Variants in ABCA9 observed in about 807,000 individuals in gnomAD.
The protein encoded by ABCA9 is ATP binding cassette subfamily A member 9, also known as ATP-binding cassette sub-family A member 9.
Under a neutral mutation model 205.3 loss-of-function variants are expected in ABCA9, and 183 were observed. That is an observed-to-expected ratio of 0.89 (90% CI 0.79 to 1.01). ABCA9 has a LOEUF of 1.01. ABCA9 is among the 50% of genes least tolerant of loss of function. The pLI is 0.00. For missense variants in ABCA9, 1,805 were observed against 1,912.4 expected (o/e 0.94, Z 1.05); for synonymous variants, 651 against 683.3 (o/e 0.95, Z 0.74).
intron 1 of ABCA9, among the ~76,000 whole-genome samples, chr17:69,052,356 C>G (rs553878724): frequency 2.0e-5 from 3 of 151,972 alleles, no homozygotes; most frequent in Admixed American, 6.6e-5. Context: ...GCCTGGGTGA[C>G]AGAGAGAGAC....
chr17:69,017,549 C>T, intron 21 of ABCA9, 107 bp downstream of exon 21: 2 of 1,214,818 alleles, frequency 1.6e-6, no homozygotes, highest in Non-Finnish European at 2.3e-6. Flanking sequence ...GAGAACTATC[C>T]CATTTGTTTG....
chr17:68,988,985 G>A (rs1441083747), intron 31 of ABCA9, 42 bp downstream of exon 31: 6 of 1,209,274 alleles, frequency 5.0e-6, no homozygotes, highest in South Asian at 1.3e-5. Flanking sequence ...AATATTCTTT[G>A]TAGGTAGCAC....
chr17:69,030,536 G>A (rs536816682), intron 10 of ABCA9, among the ~76,000 whole-genome samples: 7 of 152,178 alleles, frequency 4.6e-5, no homozygotes, highest in Non-Finnish European at 1.0e-4. Context: ...ATTTATCGAA[G>A]AGGTACAATC....
In ABCA9 at chr17:69,032,114, G is replaced by T; in HGVS notation, c.1439C>A (p.Ala480Asp). 6.2e-7 allele frequency: 1 copy of T among 1,609,036 alleles called. No individual in the cohort carries two copies. ...CAAGTAATTTATTGGTTACCTGATG[G>T]CTTCTTTCCCACAGAATTCTGGAGA... ...PVSPEFCGKE[A>D]IRIKNLKKEY... Residue 480 changes from alanine to aspartate, a missense_variant, in exon 10 of 39, where the codon GCC (alanine) becomes GAC (aspartate). Transcript: ENST00000340001.
intron 6 of ABCA9, among the ~76,000 whole-genome samples, chr17:69,039,097 A>T (rs2071445687): frequency 6.6e-6 from 1 of 152,226 alleles, no homozygotes; most frequent in Non-Finnish European, 1.5e-5. Flanking sequence ...TTCCATGCTC[A>T]TGGATAGGAA....
At chr17:69,033,263 CGCCACT>C (rs1157376471) in intron 9 of ABCA9, 8 of 121,280 alleles carry the variant, frequency 6.6e-5, no homozygotes, top group African/African-American at 2.4e-4. Context: ...GCAGAGATCG[CGCCACT>C]GCACTCCAGC....
intron 30 of ABCA9, 138 bp from the exon 31 acceptor site, chr17:68,989,256 TCACACACACACA>T (rs71293542): frequency 5.3e-4 from 128 of 243,092 alleles, no homozygotes; most frequent in South Asian, 1.5e-3. Context: ...TCTCTCTCTC[TCACACACACACA>T]CACACACACA....
intron 6 of ABCA9, among the ~76,000 whole-genome samples, chr17:69,041,470 G>A (rs1184317028): frequency 6.6e-5 from 10 of 152,030 alleles, no homozygotes; most frequent in Admixed American, 5.2e-4. Flanking sequence ...TTGGGAGGCC[G>A]AGGCAGGTGG....
intron 36 of ABCA9, among the ~76,000 whole-genome samples, chr17:68,983,392 G>T (rs1016971441): frequency 6.6e-6 from 1 of 152,122 alleles, no homozygotes; most frequent in Non-Finnish European, 1.5e-5. Flanking sequence ...TTATGCAGGT[G>T]ATTTCCTTTA....
chr17:69,061,915 C>G (rs1454432511), upstream of ABCA9, among the ~76,000 whole-genome samples: 3 of 152,168 alleles, frequency 2.0e-5, no homozygotes, highest in Admixed American at 2.0e-4. Flanking sequence ...CCTGAACATA[C>G]AGCTGAAAGG....
In ABCA9 at chr17:69,029,176, A is replaced by C. The variant is rs1371605136; in HGVS notation, c.1497T>G (p.Ala499=). 6.5e-7 allele frequency: 1 copy of C among 1,546,310 alleles called. No individual in the cohort carries two copies. Among genetic ancestry groups the C allele is most frequent in the Admixed American group, 1.9e-5 (1 of 53,502 alleles). Residue 499 remains alanine (A), a synonymous_variant, in exon 11 of 39, where the codon GCT becomes GCG. Coordinates refer to ENST00000340001, the MANE Select transcript of ABCA9 (RefSeq NM_080283.4). ...EYAGKCERVE[A]LKGVVFDIYE... ...AAAATATTATTTTATTACCTTTCAA[A>C]GCTTCTACTCTCTCACACTTCCCTG...
chr17:69,057,432 A>G (rs2072101289), intron 1 of ABCA9, among the ~76,000 whole-genome samples: 1 of 152,134 alleles, frequency 6.6e-6, no homozygotes, highest in South Asian at 2.1e-4. Flanking sequence ...AGTGAAAGAG[A>G]GAGAGAGAGA....
chr17:69,031,507 G>A (rs1042200390), intron 10 of ABCA9, among the ~76,000 whole-genome samples: 6 of 152,198 alleles, frequency 3.9e-5, no homozygotes, highest in Non-Finnish European at 7.4e-5. Flanking sequence ...CAAAATTTGA[G>A]CAAAGATCTG....
chr17:69,049,202 C>G, intron 3 of ABCA9, 81 bp downstream of exon 3: 1 of 1,358,206 alleles, frequency 7.4e-7, no homozygotes. Context: ...GAACATTCAA[C>G]ATAATTTATG....
intron 23 of ABCA9, among the ~76,000 whole-genome samples, chr17:69,010,248 T>C (rs965931312): frequency 1.3e-4 from 19 of 151,470 alleles, no homozygotes; most frequent in African/African-American, 4.1e-4. Context: ...GCTCATATAA[T>C]AGTTATGGGA....
chr17:69,017,324 G>A (rs544220827), intron 21 of ABCA9, among the ~76,000 whole-genome samples: 1 of 152,128 alleles, frequency 6.6e-6, no homozygotes, highest in East Asian at 1.9e-4. Flanking sequence ...AAAAGCAAAG[G>A]CCAAGTCTAC....
At chr17:69,008,016 T>G (rs376156410) in intron 24 of ABCA9, 46 bp downstream of exon 24, 2 of 1,537,058 alleles carry the variant, frequency 1.3e-6, no homozygotes, top group Non-Finnish European at 1.8e-6. Flanking sequence ...ACTGCATTCA[T>G]GAAAAAATAG....
intron 25 of ABCA9, among the ~76,000 whole-genome samples, chr17:68,999,892 A>G (rs1175533097): frequency 6.6e-6 from 1 of 151,750 alleles, no homozygotes; most frequent in East Asian, 1.9e-4. Context: ...GATGAGCATT[A>G]TTTCATGTGT....
At chr17:69,072,044 GA>G in the ABCA9 span, among the ~76,000 whole-genome samples, 1 of 152,068 alleles carries the variant, frequency 6.6e-6, no homozygotes, top group Non-Finnish European at 1.5e-5. Flanking sequence ...CAAGATTAGA[GA>G]AAAAAGAATA....
Sources: gnomAD v4.1 joint callset for allele counts (sites outside exome capture counted in the v4.1 genomes callset) on GRCh38, gnomAD v4.1.1 for gene constraint, MANE v1.5 for transcripts, NCBI Gene and HGNC (gene_info 2026-07-23, HGNC 2026-07-21) for gene names.